Variants in ADAMTS9 observed in about 807,000 individuals in gnomAD.
ADAMTS9 encodes the protein A disintegrin and metalloproteinase with thrombospondin motifs 9.
In ADAMTS9, 107 loss-of-function variants were observed where a neutral mutation model predicts 257.1. The ratio of observed to expected loss-of-function variants is 0.42; its 90% CI spans 0.36 to 0.49. ADAMTS9 has a LOEUF of 0.49. Among genes scored for constraint, ADAMTS9 ranks in the 20% least tolerant of loss-of-function variants. ADAMTS9 has a pLI of 0.03. For missense variants in ADAMTS9, 2,353 were observed against 2,469.1 expected, an observed-to-expected ratio of 0.95 and a Z score of 1.00; for synonymous variants, 982 against 880.9, an observed-to-expected ratio of 1.11 and a Z score of -2.03.
rs547169439 is a variant in ADAMTS9, at chr3:64,679,886, T to G, written c.679+1315A>C. Among the ~76,000 whole-genome samples the G allele has an allele frequency of 5.3e-5, 8 of 152,344 alleles. No homozygotes were observed. In the East Asian group the frequency reaches 1.5e-3, roughly 29 times the overall value. ...CTGGCAGTCTTGACTGTATACCTGCTGCTGAAACTATTGTTTTTGATGTAT... is the reference window on the plus strand; with the variant it reads ...CTGGCAGTCTTGACTGTATACCTGCGGCTGAAACTATTGTTTTTGATGTAT... On this transcript the variant is annotated intron_variant, in intron 3 of 39. Coordinates refer to ENST00000498707, the MANE Select transcript of ADAMTS9 (RefSeq NM_182920.2).
intron 26 of ADAMTS9, among the ~76,000 whole-genome samples, chr3:64,599,075 T>C (rs766588498): frequency 1.6e-4 from 25 of 152,316 alleles, no homozygotes; most frequent in Non-Finnish European, 3.4e-4. Context: ...GGATGCTTCC[T>C]ACCGAGAATC....
chr3:64,540,509 C>A (rs1424375837), intron 36 of ADAMTS9, among the ~76,000 whole-genome samples: 3 of 152,252 alleles, frequency 2.0e-5, no homozygotes, highest in Admixed American at 2.0e-4. Context: ...TGCACATTGA[C>A]GACTGAATAA....
At chr3:64,650,676 C>T (rs948445364) in intron 9 of ADAMTS9, 1 of 218,028 alleles carries the variant, frequency 4.6e-6, no homozygotes, top group Non-Finnish European at 8.9e-6. Flanking sequence ...ATTAGAAGTG[C>T]ATAAATACCT....
At chr3:64,626,404 T>G (rs965841491) in intron 16 of ADAMTS9, among the ~76,000 whole-genome samples, 1 of 152,202 alleles carries the variant, frequency 6.6e-6, no homozygotes, top group African/African-American at 2.4e-5. Context: ...TGTATACAAA[T>G]AGAAACTAAG....
rs764885858 is a variant in ADAMTS9, at chr3:64,602,104, G to C, written c.3857C>G (p.Thr1286Ser). The C allele has an allele frequency of 6.2e-7, 1 of 1,614,144 alleles. No homozygotes were observed. The highest frequency in any genetic ancestry group is 2.2e-5 in the East Asian group (1 of 44,854). The change falls in exon 26 of 40, where the codon ACT (threonine) becomes AGT (serine). Residue 1286 changes from threonine to serine, a missense_variant. By Grantham distance (58) the Thr-to-Ser change is moderately conservative. Transcript: ENST00000498707. ...TGGTGACATGGAACAGTCCTGGTCA[G>C]TTTCTGGGATATAATCCTGGTCACA... is the stretch of plus-strand genomic sequence containing the variant. ...SECDQDYIPE[T>S]DQDCSMSPCP...
At chr3:64,538,875 C>A (rs2083085108) in intron 37 of ADAMTS9, among the ~76,000 whole-genome samples, 1 of 152,070 alleles carries the variant, frequency 6.6e-6, no homozygotes, top group Non-Finnish European at 1.5e-5. Context: ...TAGCACTCCG[C>A]TGACTGTACA....
rs1311256126 is a variant in ADAMTS9, at chr3:64,654,391, C to T, written c.1278G>A (p.Leu426=). The change falls in exon 8 of 40, where the codon TTG becomes TTA. Residue 426 remains leucine, a synonymous_variant. Coordinates refer to ENST00000498707, the MANE Select transcript of ADAMTS9 (RefSeq NM_182920.2). ...RSCSISEDSG[L]STAFTIAHEL... ...CATGGGCGATCGTAAAAGCTGTACT[C>T]AATCCACTATCTTCACTAATAGAAC... 2 of 1,613,990 alleles carry T rather than the reference C, an allele frequency of 1.2e-6. No homozygotes were observed. Among genetic ancestry groups the T allele is most frequent in the Non-Finnish European group, 1.7e-6 (2 of 1,180,002 alleles).
chr3:64,526,967 A>C (rs188932800), intron 38 of ADAMTS9, among the ~76,000 whole-genome samples: 20 of 152,334 alleles, frequency 1.3e-4, no homozygotes, highest in Non-Finnish European at 2.8e-4. Flanking sequence ...AAATTTAAAA[A>C]ATAAAGCCAA....
intron 3 of ADAMTS9, among the ~76,000 whole-genome samples, chr3:64,660,611 A>G (rs1340002879): frequency 1.3e-5 from 2 of 152,116 alleles, no homozygotes; most frequent in Non-Finnish European, 2.9e-5. Flanking sequence ...AGCTATATAC[A>G]CACCCCACCT....
intron 23 of ADAMTS9, 49 bp downstream of exon 23, chr3:64,606,911 G>C: frequency 6.2e-7 from 1 of 1,608,254 alleles, no homozygotes; most frequent in Non-Finnish European, 8.5e-7. Context: ...GGGCAGTTTG[G>C]TACCTTGGTC....
chr3:64,585,008 A>G (rs2084111345), intron 28 of ADAMTS9, among the ~76,000 whole-genome samples: 1 of 152,112 alleles, frequency 6.6e-6, no homozygotes, highest in Non-Finnish European at 1.5e-5. Flanking sequence ...TTCTGGGCTA[A>G]TGTAATAAGG....
intron 8 of ADAMTS9, 65 bp downstream of exon 8, chr3:64,654,288 T>C (rs1161183437): frequency 2.7e-6 from 4 of 1,470,606 alleles, no homozygotes; most frequent in Non-Finnish European, 3.7e-6. Flanking sequence ...AAATGCTCAC[T>C]GATGCGAAGG....
intron 38 of ADAMTS9, among the ~76,000 whole-genome samples, chr3:64,524,839 G>C (rs565597114): frequency 1.4e-4 from 21 of 152,258 alleles, no homozygotes; most frequent in African/African-American, 5.1e-4. Flanking sequence ...CTCAACACAT[G>C]CATTTCTTTT....
intron 39 of ADAMTS9, among the ~76,000 whole-genome samples, chr3:64,521,041 T>A (rs2082845776): frequency 6.6e-6 from 1 of 152,130 alleles, no homozygotes; most frequent in Non-Finnish European, 1.5e-5. Flanking sequence ...ATTTTTAACC[T>A]ATACATTTGA....
chr3:64,607,929 A>G (rs954560034), intron 22 of ADAMTS9, among the ~76,000 whole-genome samples: 8 of 152,176 alleles, frequency 5.3e-5, no homozygotes, highest in African/African-American at 1.9e-4. Flanking sequence ...TAAAAGAATG[A>G]GATCCCACAA....
intron 27 of ADAMTS9, among the ~76,000 whole-genome samples, chr3:64,596,549 G>A (rs1038762019): frequency 3.3e-5 from 5 of 152,114 alleles, no homozygotes; most frequent in Non-Finnish European, 5.9e-5. Context: ...CACTTTAAAA[G>A]CATCTATTTT....
intron 38 of ADAMTS9, among the ~76,000 whole-genome samples, chr3:64,531,043 T>C (rs1156758395): frequency 2.6e-5 from 4 of 152,376 alleles, no homozygotes; most frequent in Non-Finnish European, 5.9e-5. Flanking sequence ...TCTTTATTCC[T>C]TTCAGTGCAA....
At chr3:64,588,805 A>C (rs1243452385) in intron 28 of ADAMTS9, 1 of 152,220 alleles carries the variant, frequency 6.6e-6, no homozygotes, top group East Asian at 1.9e-4. Context: ...CTGAAAAAAG[A>C]TTATTAAAAG....
chr3:64,624,649 A>G (rs1014889463), intron 16 of ADAMTS9, among the ~76,000 whole-genome samples: 9 of 152,232 alleles, frequency 5.9e-5, no homozygotes, highest in Admixed American at 1.3e-4. Context: ...CCAGACTTTC[A>G]GTCAAGAATA....
Sources: gnomAD v4.1 joint callset for allele counts (sites outside exome capture counted in the v4.1 genomes callset) on GRCh38, gnomAD v4.1.1 for gene constraint, MANE v1.5 for transcripts, NCBI Gene and HGNC (gene_info 2026-07-23, HGNC 2026-07-21) for gene names.